The following LRRC3B variants were observed in gnomAD, a reference collection of about 807,000 sequenced individuals.
LRRC3B encodes leucine-rich repeat-containing protein 3B.
Under a neutral mutation model 12.8 loss-of-function variants are expected in LRRC3B, and 2 were observed. The ratio of observed to expected loss-of-function variants is 0.16; its 90% CI spans 0.06 to 0.49. The LOEUF is 0.49. LRRC3B is among the 20% of genes least tolerant of loss of function. The probability of loss-of-function intolerance (pLI) is 0.96; values close to 1 mark genes in which losing one functional copy is unlikely to be tolerated. For missense variants in LRRC3B, 189 were observed against 319.4 expected, an observed-to-expected ratio of 0.59 and a Z score of 3.11; for synonymous variants, 132 against 122.0, an observed-to-expected ratio of 1.08 and a Z score of -0.54.
chr3:26,641,304 A>C (rs1157369985), intron 1 of LRRC3B, among the ~76,000 whole-genome samples: 1 of 152,178 alleles, frequency 6.6e-6, no homozygotes, highest in Non-Finnish European at 1.5e-5. Flanking sequence ...CAGACTAGGA[A>C]ACTGGGGGTG....
intron 1 of LRRC3B, among the ~76,000 whole-genome samples, chr3:26,626,690 C>T (rs866317607): frequency 3.9e-5 from 6 of 152,048 alleles, no homozygotes; most frequent in Admixed American, 2.0e-4. Flanking sequence ...ATCAGCATAA[C>T]CAGAAAAACT....
chr3:26,709,885 G>T, exon 2 of LRRC3B: 1 of 1,614,012 alleles, frequency 6.2e-7, no homozygotes. Context: ...TACTGTATCT[G>T]GACTCCAATC....
chr3:26,674,168 T>C (rs1699809908), intron 1 of LRRC3B, among the ~76,000 whole-genome samples: 1 of 152,228 alleles, frequency 6.6e-6, no homozygotes, highest in Admixed American at 6.5e-5. Flanking sequence ...ATCAGAAATA[T>C]GATGACTTTC....
chr3:26,696,418 A>G (rs934410590), intron 1 of LRRC3B, among the ~76,000 whole-genome samples: 8 of 152,192 alleles, frequency 5.3e-5, no homozygotes, highest in African/African-American at 1.9e-4. Context: ...GAAGACTATG[A>G]TCTGTGCATG....
intron 1 of LRRC3B, among the ~76,000 whole-genome samples, chr3:26,668,800 T>C (rs1025451751): frequency 1.3e-5 from 2 of 152,218 alleles, no homozygotes; most frequent in Admixed American, 1.3e-4. Context: ...TGTATGATCC[T>C]CTGGCTCCTT....
At chr3:26,688,076 G>A (rs1020410462) in intron 1 of LRRC3B, among the ~76,000 whole-genome samples, 2 of 152,162 alleles carry the variant, frequency 1.3e-5, no homozygotes, top group Non-Finnish European at 2.9e-5. Flanking sequence ...GCACATGGGA[G>A]GACATAACAT....
At chr3:26,690,864 G>A (rs915430702) in intron 1 of LRRC3B, among the ~76,000 whole-genome samples, 3 of 151,554 alleles carry the variant, frequency 2.0e-5, no homozygotes, top group Admixed American at 6.6e-5. Flanking sequence ...TAAACAGGAG[G>A]CAGCCTATAT....
In LRRC3B at chr3:26,664,590, T is replaced by C. The variant is rs114543163; in HGVS notation, c.-161+41353T>C. Among the ~76,000 whole-genome samples the C allele has an allele frequency of 3.1e-3, 472 of 152,166 alleles. 5 individuals are homozygous for C. Among genetic ancestry groups the C allele is most frequent in the African/African-American group, 0.011 (456 of 41,514 alleles). On this transcript the variant is annotated intron_variant, in intron 1 of 1. Transcript: ENST00000396641. ...CCTATGCTGAAGAGTCCTATGAAATTGAATTATTAGGAAGTGGTCCTGTGA... is the reference window on the plus strand; with the variant it reads ...CCTATGCTGAAGAGTCCTATGAAATCGAATTATTAGGAAGTGGTCCTGTGA...
At chr3:26,705,552 C>T (rs1425524643) in intron 1 of LRRC3B, among the ~76,000 whole-genome samples, 1 of 151,830 alleles carries the variant, frequency 6.6e-6, no homozygotes, top group Non-Finnish European at 1.5e-5. Flanking sequence ...CCAGTGTGAC[C>T]CCAGGCCCTT....
intron 1 of LRRC3B, among the ~76,000 whole-genome samples, chr3:26,709,024 A>G (rs759784189): frequency 9.9e-5 from 15 of 152,204 alleles, no homozygotes; most frequent in Non-Finnish European, 2.2e-4. Flanking sequence ...ATGTTTCTTT[A>G]GAGACAATAT....
chr3:26,623,495 G>C (rs1698555664), intron 1 of LRRC3B, among the ~76,000 whole-genome samples: 1 of 152,090 alleles, frequency 6.6e-6, no homozygotes, highest in Admixed American at 6.5e-5. Flanking sequence ...CCTTCCCTGC[G>C]CGGTGCTCAC....
exon 2 of LRRC3B, chr3:26,709,660 C>G (rs762723609): frequency 3.7e-6 from 6 of 1,609,964 alleles, no homozygotes; most frequent in Non-Finnish European, 5.1e-6. Context: ...CGTGATTATG[C>G]TGACATTCCA....
At chr3:26,646,101 G>A (rs747893069) in intron 1 of LRRC3B, among the ~76,000 whole-genome samples, 4 of 152,090 alleles carry the variant, frequency 2.6e-5, no homozygotes, top group Non-Finnish European at 4.4e-5. Flanking sequence ...TCATAATGTA[G>A]GCCACCTCAT....
intron 1 of LRRC3B, among the ~76,000 whole-genome samples, chr3:26,665,095 G>A (rs1699572078): frequency 6.6e-6 from 1 of 151,886 alleles, no homozygotes; most frequent in Admixed American, 6.6e-5. Context: ...GGGAGTGAAA[G>A]CAGCACTACA....
chr3:26,690,709 G>A (rs994498276), intron 1 of LRRC3B, among the ~76,000 whole-genome samples: 10 of 151,922 alleles, frequency 6.6e-5, no homozygotes, highest in African/African-American at 9.7e-5. Context: ...ACTATGTAAG[G>A]AAGATTTCTC....
chr3:26,699,349 C>T (rs1023973747), intron 1 of LRRC3B, among the ~76,000 whole-genome samples: 3 of 152,076 alleles, frequency 2.0e-5, no homozygotes, highest in African/African-American at 7.2e-5. Flanking sequence ...TTTATTGTCT[C>T]CTTGTAACTG....
At chr3:26,674,363 T>TA (rs1196732423) in intron 1 of LRRC3B, among the ~76,000 whole-genome samples, 1 of 152,058 alleles carries the variant, frequency 6.6e-6, no homozygotes, top group African/African-American at 2.4e-5. Context: ...CTAAATGGAC[T>TA]AAAAAAAAGT....
intron 1 of LRRC3B, among the ~76,000 whole-genome samples, chr3:26,708,254 C>T (rs1214310556): frequency 6.6e-6 from 1 of 152,158 alleles, no homozygotes; most frequent in African/African-American, 2.4e-5. Context: ...GCATGGGTTC[C>T]CTACAAAATG....
At chr3:26,679,979 G>A (rs1025978843) in intron 1 of LRRC3B, among the ~76,000 whole-genome samples, 5 of 152,184 alleles carry the variant, frequency 3.3e-5, no homozygotes, top group Non-Finnish European at 7.3e-5. Context: ...CCTCTACAGA[G>A]CTCACTTGCT....
Sources: gnomAD v4.1 joint callset for allele counts (sites outside exome capture counted in the v4.1 genomes callset) on GRCh38, gnomAD v4.1.1 for gene constraint, MANE v1.5 for transcripts, NCBI Gene and HGNC (gene_info 2026-07-23, HGNC 2026-07-21) for gene names.